CLIC5: variants seen among roughly 807,000 people sequenced by gnomAD.
The protein encoded by CLIC5 is CLIC family member 5.
A neutral mutation model predicts 24.7 loss-of-function variants in CLIC5; 20 were observed. The ratio of observed to expected loss-of-function variants is 0.81; its 90% CI spans 0.57 to 1.18. CLIC5 has a LOEUF of 1.18. Among genes scored for constraint, CLIC5 ranks in the 50% most tolerant of loss-of-function variants. The pLI is 0.00. For missense variants in CLIC5, 341 were observed against 326.1 expected, an observed-to-expected ratio of 1.05 and a Z score of -0.35; for synonymous variants, 159 against 135.6, an observed-to-expected ratio of 1.17 and a Z score of -1.20.
At chr6:46,015,454 C>A (rs762733981) in intron 1 of CLIC5, 26 bp downstream of exon 1, 2 of 1,477,828 alleles carry the variant, frequency 1.4e-6, no homozygotes, top group South Asian at 1.4e-5. Context: ...GCGGCAGGTG[C>A]GGCGGGAGAC....
chr6:45,956,440 G>T (rs185353695), intron 1 of CLIC5, among the ~76,000 whole-genome samples: 1 of 151,042 alleles, frequency 6.6e-6, no homozygotes, highest in African/African-American at 2.4e-5. Context: ...TAAACAATCC[G>T]ACCAATATCC....
intron 3 of CLIC5, among the ~76,000 whole-genome samples, chr6:45,944,953 T>C (rs2127373547): frequency 6.6e-6 from 1 of 152,344 alleles, no homozygotes; most frequent in East Asian, 1.9e-4. Flanking sequence ...GTGAAGGACG[T>C]TAATGCATCT....
chr6:46,008,387 C>T (rs569510132), intron 1 of CLIC5, among the ~76,000 whole-genome samples: 2 of 152,296 alleles, frequency 1.3e-5, no homozygotes, highest in African/African-American at 2.4e-5. Context: ...TCCCACCCTA[C>T]CCAAAGCTGG....
chr6:46,035,108 T>C (rs1023402135), intron 1 of CLIC5, among the ~76,000 whole-genome samples: 3 of 152,188 alleles, frequency 2.0e-5, no homozygotes, highest in African/African-American at 4.8e-5. Context: ...CTAGGATAGG[T>C]GATATTGCCA....
At chr6:45,908,722 T>A (rs1014304873) in intron 5 of CLIC5, among the ~76,000 whole-genome samples, 1 of 152,240 alleles carries the variant, frequency 6.6e-6, no homozygotes, top group Non-Finnish European at 1.5e-5. Context: ...ATGTTCTGTG[T>A]GCAGATGAAA....
At chr6:45,946,991 C>T (rs1475542503) in intron 3 of CLIC5, among the ~76,000 whole-genome samples, 2 of 152,140 alleles carry the variant, frequency 1.3e-5, no homozygotes, top group Admixed American at 6.5e-5. Flanking sequence ...CAGAGAAGGA[C>T]CTGGACCAGC....
chr6:46,081,870 T>A (rs2127480113), upstream of CLIC5, among the ~76,000 whole-genome samples: 1 of 152,304 alleles, frequency 6.6e-6, no homozygotes, highest in South Asian at 2.1e-4. Context: ...CTTCCTTAAC[T>A]CAGTATTTTC....
chr6:46,108,401 T>TGTGTGAGAGA, the CLIC5 span, among the ~76,000 whole-genome samples: 8 of 141,672 alleles, frequency 5.6e-5, no homozygotes, highest in African/African-American at 2.1e-4. Flanking sequence ...TGTGTGTGTG[T>TGTGTGAGAGA]GAGAGAGAGA....
At chr6:45,882,798 G>A (rs903729502) in intron 6 of CLIC5, among the ~76,000 whole-genome samples, 5 of 152,180 alleles carry the variant, frequency 3.3e-5, no homozygotes, top group Admixed American at 3.3e-4. Flanking sequence ...AAATAATGTG[G>A]TAAATGTTTA....
At chr6:46,001,234 C>A (rs1288678241) in intron 1 of CLIC5, among the ~76,000 whole-genome samples, 1 of 152,086 alleles carries the variant, frequency 6.6e-6, no homozygotes, top group East Asian at 1.9e-4. Flanking sequence ...AGGTGGGTAC[C>A]AAGAGAAGGT....
At chr6:45,952,069 C>A (rs1047927768) in intron 2 of CLIC5, among the ~76,000 whole-genome samples, 1 of 152,174 alleles carries the variant, frequency 6.6e-6, no homozygotes, top group East Asian at 1.9e-4. Context: ...AAGGCAGCAA[C>A]GTGTGTGCTC....
intron 6 of CLIC5, among the ~76,000 whole-genome samples, chr6:45,886,202 G>C (rs914305385): frequency 6.6e-6 from 1 of 152,200 alleles, no homozygotes; most frequent in East Asian, 1.9e-4. Flanking sequence ...AAGATACCAC[G>C]TGGTGCGAAG....
the CLIC5 span, among the ~76,000 whole-genome samples, chr6:46,116,318 A>G: frequency 6.6e-6 from 1 of 152,158 alleles, no homozygotes; most frequent in Non-Finnish European, 1.5e-5. Context: ...TGGCCTGTGC[A>G]TTGGTGAATA....
intron 5 of CLIC5, chr6:45,911,798 A>G: frequency 2.0e-6 from 2 of 985,454 alleles, no homozygotes; most frequent in Non-Finnish European, 2.4e-6. Flanking sequence ...TGAGCAAGGA[A>G]AGGCCTGCAG....
At chr6:46,018,657 A>G (rs142970565), upstream of CLIC5, 4 of 152,334 alleles carry the variant, frequency 2.6e-5, no homozygotes, top group Non-Finnish European at 2.9e-5. Flanking sequence ...GAAAAACACT[A>G]TATGTCTAAT....
chr6:46,095,742 T>C, the CLIC5 span, among the ~76,000 whole-genome samples: 1 of 152,216 alleles, frequency 6.6e-6, no homozygotes, highest in African/African-American at 2.4e-5. Flanking sequence ...GTCCCAAACT[T>C]TCCCCCGTCT....
intron 4 of CLIC5, among the ~76,000 whole-genome samples, chr6:45,935,435 T>A (rs1365994463): frequency 6.6e-6 from 1 of 152,190 alleles, no homozygotes; most frequent in Admixed American, 6.5e-5. Flanking sequence ...CAGACCTAAC[T>A]GCTTGCTAAT....
intron 1 of CLIC5, among the ~76,000 whole-genome samples, chr6:46,003,874 G>A (rs1766446551): frequency 6.6e-6 from 1 of 152,178 alleles, no homozygotes; most frequent in Non-Finnish European, 1.5e-5. Flanking sequence ...GAGTGGTCAG[G>A]TCTGGAGTCC....
intron 1 of CLIC5, among the ~76,000 whole-genome samples, chr6:46,006,931 C>A (rs949741281): frequency 3.3e-5 from 5 of 152,146 alleles, no homozygotes; most frequent in African/African-American, 1.2e-4. Flanking sequence ...CTCGGCCTCC[C>A]AAAGTGCTGA....
Sources: gnomAD v4.1 joint callset for allele counts (sites outside exome capture counted in the v4.1 genomes callset) on GRCh38, gnomAD v4.1.1 for gene constraint, MANE v1.5 for transcripts, NCBI Gene and HGNC (gene_info 2026-07-23, HGNC 2026-07-21) for gene names.